The following EDA variants were observed in gnomAD, a reference collection of about 807,000 sequenced individuals.
EDA encodes ectodysplasin-A.
EDA carries 2 observed loss-of-function variants against 23.6 expected under a neutral mutation model. The ratio of observed to expected loss-of-function variants is 0.08; its 90% CI spans 0.03 to 0.27. The LOEUF (loss-of-function observed/expected upper bound fraction) is 0.27. EDA is among the 10% of genes least tolerant of loss of function. The pLI is 1.00. For synonymous variants in EDA, 131 were observed against 132.0 expected, an observed-to-expected ratio of 0.99 and a Z score of 0.05; for missense variants, 229 against 324.2, an observed-to-expected ratio of 0.71 and a Z score of 2.26.
In EDA at chrX:69,923,530, C is replaced by T. The variant is rs775197804; in HGVS notation, c.397-33497C>T. Among the ~76,000 whole-genome samples, 7 of 111,891 alleles carry T rather than the reference C, an allele frequency of 6.3e-5. No individual in the cohort carries two copies. In the East Asian group the frequency reaches 1.4e-3, roughly 22 times the overall value. ...ATATGTGCCACATTTTCTTTATCCA[C>T]TCTATCATTGATAGGCATTTGGGTT... On this transcript the variant is annotated intron_variant, in intron 1 of 7. Coordinates refer to ENST00000374552, the MANE Select transcript of EDA (RefSeq NM_001399.5).
At chrX:69,684,049 A>C (rs1234417511) in intron 1 of EDA, among the ~76,000 whole-genome samples, 1 of 112,460 alleles carries the variant, frequency 8.9e-6, no homozygotes, top group Non-Finnish European at 1.9e-5. Flanking sequence ...CTAAGAACTC[A>C]GATGAAAAAA....
intron 1 of EDA, among the ~76,000 whole-genome samples, chrX:69,805,602 G>T (rs2015795976): frequency 9.0e-6 from 1 of 111,273 alleles, no homozygotes; most frequent in Admixed American, 9.6e-5. Flanking sequence ...TTCCATGTTG[G>T]TTTGCCTCTT....
intron 3 of EDA, among the ~76,000 whole-genome samples, chrX:70,023,478 CTTTTTTTT>C (rs754981946): frequency 1.8e-4 from 6 of 33,502 alleles, no homozygotes; most frequent in East Asian, 1.3e-3. Context: ...TCTTTTTATT[CTTTTTTTT>C]TTTTTTTTTT....
chrX:69,743,516 TC>T (rs1364852848), intron 1 of EDA, among the ~76,000 whole-genome samples: 1 of 111,842 alleles, frequency 8.9e-6, no homozygotes, highest in African/African-American at 3.3e-5. Flanking sequence ...TAGAGCTGAT[TC>T]CCTGGGCTAA....
intron 1 of EDA, among the ~76,000 whole-genome samples, chrX:69,822,073 A>G (rs1296107916): frequency 2.7e-5 from 3 of 110,974 alleles, no homozygotes; most frequent in Non-Finnish European, 1.9e-5. Context: ...GCTTGAGGCC[A>G]GGAGTTTGAG....
At chrX:69,967,419 GGAA>G (rs2019190143) in intron 2 of EDA, among the ~76,000 whole-genome samples, 1 of 111,544 alleles carries the variant, frequency 9.0e-6, no homozygotes, top group Non-Finnish European at 1.9e-5. Context: ...TAATGATCGG[GGAA>G]GAAGATGTGT....
intron 1 of EDA, among the ~76,000 whole-genome samples, chrX:69,717,278 G>C (rs983111545): frequency 4.5e-5 from 5 of 110,660 alleles, no homozygotes; most frequent in Admixed American, 9.6e-5. Context: ...TAACATGAAG[G>C]GATTCAACAG....
chrX:69,719,667 C>T (rs538979268), intron 1 of EDA, among the ~76,000 whole-genome samples: 1 of 110,187 alleles, frequency 9.1e-6, no homozygotes, highest in Non-Finnish European at 1.9e-5. Context: ...CAAGTTGCTG[C>T]AAAAGACATT....
intron 1 of EDA, among the ~76,000 whole-genome samples, chrX:69,936,937 G>T (rs758445258): frequency 4.6e-5 from 5 of 108,121 alleles, no homozygotes; most frequent in African/African-American, 1.0e-4. Context: ...GTGTTTTTTT[G>T]TTGTTGTTGT....
At chrX:69,874,120 G>C (rs1244272760) in intron 1 of EDA, among the ~76,000 whole-genome samples, 1 of 111,169 alleles carries the variant, frequency 9.0e-6, no homozygotes, top group Admixed American at 9.6e-5. Context: ...AGACCAGCCT[G>C]ACCAACATGG....
chrX:69,751,166 T>G (rs74622464), intron 1 of EDA, among the ~76,000 whole-genome samples: 30,132 of 101,919 alleles, frequency 0.3, 4,784 homozygotes, highest in Middle Eastern at 0.55. Flanking sequence ...AGGTCTAACA[T>G]TTAAGTCTTT....
intron 1 of EDA, among the ~76,000 whole-genome samples, chrX:69,875,467 T>C (rs1188954383): frequency 8.9e-6 from 1 of 111,864 alleles, no homozygotes. Flanking sequence ...TCTCACTTTA[T>C]ACAAAAAATC....
chrX:69,855,135 C>A (rs1569356136), intron 1 of EDA, among the ~76,000 whole-genome samples: 1 of 110,825 alleles, frequency 9.0e-6, no homozygotes, highest in Non-Finnish European at 1.9e-5. Flanking sequence ...TGTTTATATC[C>A]TTTGCCCACT....
intron 1 of EDA, among the ~76,000 whole-genome samples, chrX:69,677,545 G>C (rs370075957): frequency 0.066 from 6,970 of 105,618 alleles, 210 homozygotes; most frequent in Non-Finnish European, 0.091. Context: ...ATGGTATCTC[G>C]TTGTGGTTTT....
chrX:69,660,702 C>T (rs1035677148), intron 1 of EDA, among the ~76,000 whole-genome samples: 9 of 111,542 alleles, frequency 8.1e-5, no homozygotes, highest in South Asian at 3.8e-4. Flanking sequence ...TAGTATTCCA[C>T]GGTGTATATG....
chrX:69,722,555 A>T (rs1202484059), intron 1 of EDA, among the ~76,000 whole-genome samples: 1 of 112,121 alleles, frequency 8.9e-6, no homozygotes, highest in Admixed American at 9.5e-5. Context: ...TTTTCTGGTT[A>T]CTGATTGCAA....
intron 2 of EDA, among the ~76,000 whole-genome samples, chrX:69,976,825 C>G (rs973741822): frequency 9.1e-6 from 1 of 110,155 alleles, no homozygotes; most frequent in African/African-American, 3.3e-5. Context: ...GATCTTGAAA[C>G]TTTTCTTTTC....
chrX:69,931,539 A>G (rs888936598), intron 1 of EDA, among the ~76,000 whole-genome samples: 9 of 111,482 alleles, frequency 8.1e-5, no homozygotes, highest in Admixed American at 2.9e-4. Context: ...AAAAATTTAA[A>G]TGGGTGAAGT....
chrX:69,791,515 A>T (rs1986033238), intron 1 of EDA, among the ~76,000 whole-genome samples: 1 of 112,413 alleles, frequency 8.9e-6, no homozygotes, highest in Non-Finnish European at 1.9e-5. Context: ...GAGGGATAAG[A>T]TGTAGAAAAT....
Sources: allele counts gnomAD v4.1 joint callset (sites outside exome capture counted in the v4.1 genomes callset), GRCh38; gene constraint gnomAD v4.1.1; transcripts MANE v1.5; gene names NCBI Gene and HGNC (gene_info 2026-07-23, HGNC 2026-07-21).